Variants in PRKCB observed in about 807,000 individuals in gnomAD.
PRKCB encodes protein kinase C beta.
PRKCB carries 13 observed loss-of-function variants against 81.5 expected under a neutral mutation model. The ratio of observed to expected loss-of-function variants is 0.16; its 90% CI spans 0.10 to 0.25. The LOEUF (loss-of-function observed/expected upper bound fraction) is 0.25. PRKCB is among the 10% of genes least tolerant of loss of function. The pLI, the probability that PRKCB is intolerant of heterozygous loss-of-function variation, is 1.00. For synonymous variants in PRKCB, 335 were observed against 321.4 expected (o/e 1.04, Z -0.45); for missense variants, 509 against 875.7 (o/e 0.58, Z 5.29).
chr16:24,065,414 G>A (rs1000521179), intron 5 of PRKCB, among the ~76,000 whole-genome samples: 6 of 151,500 alleles, frequency 4.0e-5, no homozygotes, highest in Admixed American at 2.0e-4. Context: ...TGCATCTTTG[G>A]ATTTTAGAAT....
At chr16:24,006,883 A>G (rs1268162170) in intron 3 of PRKCB, among the ~76,000 whole-genome samples, 1 of 152,228 alleles carries the variant, frequency 6.6e-6, no homozygotes, top group African/African-American at 2.4e-5. Context: ...CAATTGGAAC[A>G]ACGTGTTTGC....
chr16:24,185,392 A>G (rs893075622), intron 14 of PRKCB, 68 bp from the exon 15 acceptor site: 40 of 1,435,730 alleles, frequency 2.8e-5, no homozygotes, highest in Non-Finnish European at 3.9e-5. Context: ...AGGGTCTGCC[A>G]GTTGAGGGGA....
intron 2 of PRKCB, among the ~76,000 whole-genome samples, chr16:23,922,902 G>A (rs780276690): frequency 1.3e-5 from 2 of 152,152 alleles, no homozygotes; most frequent in Non-Finnish European, 2.9e-5. Flanking sequence ...AATTTAGGTA[G>A]CCAGTGTTAC....
At chr16:24,047,776 C>T (rs1037355257) in intron 5 of PRKCB, among the ~76,000 whole-genome samples, 2 of 152,304 alleles carry the variant, frequency 1.3e-5, no homozygotes, top group Admixed American at 6.5e-5. Flanking sequence ...CTTTCAGTGG[C>T]TTTAGGGCAC....
At chr16:24,010,095 T>C (rs1965181783) in intron 3 of PRKCB, among the ~76,000 whole-genome samples, 1 of 152,148 alleles carries the variant, frequency 6.6e-6, no homozygotes, top group Non-Finnish European at 1.5e-5. Flanking sequence ...CACATGATAT[T>C]GAAAGGACAC....
chr16:24,115,401 G>T (rs541173516), intron 8 of PRKCB, among the ~76,000 whole-genome samples: 1 of 150,332 alleles, frequency 6.7e-6, no homozygotes, highest in East Asian at 2.0e-4. Flanking sequence ...TTATCCCAAG[G>T]ATTTTAGCAT....
chr16:23,934,985 G>A (rs1298641777), intron 2 of PRKCB, among the ~76,000 whole-genome samples: 2 of 152,170 alleles, frequency 1.3e-5, no homozygotes, highest in African/African-American at 4.8e-5. Flanking sequence ...TTTGAGTATG[G>A]TGATGACTGA....
intron 2 of PRKCB, among the ~76,000 whole-genome samples, chr16:23,957,522 T>C (rs1407997959): frequency 2.0e-5 from 3 of 152,220 alleles, no homozygotes; most frequent in African/African-American, 7.2e-5. Flanking sequence ...AGCTTCAGCC[T>C]CAGCCACAAG....
At chr16:24,150,842 TCG>T (rs1239592185) in intron 9 of PRKCB, among the ~76,000 whole-genome samples, 1 of 152,250 alleles carries the variant, frequency 6.6e-6, no homozygotes, top group Non-Finnish European at 1.5e-5. Context: ...AGAATTCAGT[TCG>T]CTTCTATGTC....
intron 15 of PRKCB, among the ~76,000 whole-genome samples, chr16:24,190,889 T>G (rs1967781779): frequency 6.6e-6 from 1 of 152,162 alleles, no homozygotes; most frequent in Non-Finnish European, 1.5e-5. Context: ...AACAGATGAT[T>G]GGCAGTGGGT....
At chr16:24,088,350 A>G (rs1264940878) in intron 5 of PRKCB, among the ~76,000 whole-genome samples, 1 of 152,208 alleles carries the variant, frequency 6.6e-6, no homozygotes, top group Non-Finnish European at 1.5e-5. Context: ...GGACAAAAGT[A>G]GAAGAAAGGA....
chr16:23,921,627 C>A (rs1165461458), intron 2 of PRKCB, among the ~76,000 whole-genome samples: 2 of 151,998 alleles, frequency 1.3e-5, no homozygotes, highest in Admixed American at 1.3e-4. Flanking sequence ...ATGGCAAAAC[C>A]CTGTTTCTAC....
intron 2 of PRKCB, among the ~76,000 whole-genome samples, chr16:23,934,063 G>A (rs923472203): frequency 7.6e-6 from 1 of 131,032 alleles, no homozygotes; most frequent in Admixed American, 7.5e-5. Context: ...CCACCCATTT[G>A]ACTTTCTTTT....
At chr16:23,974,992 G>A (rs1283622384) in intron 2 of PRKCB, among the ~76,000 whole-genome samples, 1 of 152,180 alleles carries the variant, frequency 6.6e-6, no homozygotes. Context: ...CGGGCACCTC[G>A]ATTGACAGCC....
At chr16:23,888,702 G>T (rs1963242473) in intron 2 of PRKCB, among the ~76,000 whole-genome samples, 1 of 152,108 alleles carries the variant, frequency 6.6e-6, no homozygotes, top group South Asian at 2.1e-4. Context: ...CCTTCCCTGG[G>T]TTGGCCAGGG....
chr16:24,021,083 CTTT>C lies in PRKCB; in HGVS notation c.289-11052_289-11050del, dbSNP rs1389456443. ...CCCTCCCTCCCTCCCTTCTTTCTTT[CTTT>C]CTTTTTTTCTTTCTTTCTTTCCTTC... On this transcript the variant is annotated intron_variant, in intron 3 of 16. Coordinates refer to ENST00000643927, the MANE Select transcript of PRKCB (RefSeq NM_002738.7). Among the ~76,000 whole-genome samples the C allele has an allele frequency of 3.4e-3, 410 of 120,948 alleles. 8 individuals carry two copies. The highest frequency in any genetic ancestry group is 4.8e-3 in the Non-Finnish European group (284 of 59,026). The allele number at this position is 120,948 out of a possible 152,430, so 79.3% of individuals were successfully genotyped here.
At chr16:24,031,195 T>C (rs571841131) in intron 3 of PRKCB, among the ~76,000 whole-genome samples, 2 of 152,344 alleles carry the variant, frequency 1.3e-5, no homozygotes, top group South Asian at 4.1e-4. Flanking sequence ...GGCATATTTA[T>C]TGATTAGGAA....
chr16:24,017,704 A>G (rs577014054), intron 3 of PRKCB, among the ~76,000 whole-genome samples: 1 of 152,296 alleles, frequency 6.6e-6, no homozygotes, highest in African/African-American at 2.4e-5. Flanking sequence ...GGCAAAATTA[A>G]TGATAACAGT....
intron 3 of PRKCB, among the ~76,000 whole-genome samples, chr16:23,991,100 A>G (rs1182537485): frequency 6.6e-6 from 1 of 152,164 alleles, no homozygotes; most frequent in African/African-American, 2.4e-5. Flanking sequence ...AGTAGTGACT[A>G]TCTTCTGTCA....
Sources: allele counts gnomAD v4.1 joint callset (sites outside exome capture counted in the v4.1 genomes callset), GRCh38; gene constraint gnomAD v4.1.1; transcripts MANE v1.5; gene names NCBI Gene and HGNC (gene_info 2026-07-23, HGNC 2026-07-21).